The following PARD3 variants were observed in gnomAD, a reference collection of about 807,000 sequenced individuals.
The protein encoded by PARD3 is par-3 family cell polarity regulator.
A neutral mutation model predicts 155.4 loss-of-function variants in PARD3; 75 were observed. That is an observed-to-expected ratio of 0.48 (90% CI 0.40 to 0.58). The LOEUF (loss-of-function observed/expected upper bound fraction) is 0.58, where lower values mean the gene tolerates loss of function less well. Ranked by LOEUF, PARD3 falls within the 20% of genes least tolerant of loss-of-function variation. The pLI, the probability that PARD3 is intolerant of heterozygous loss-of-function variation, is 0.00. For missense variants in PARD3, 1,642 were observed against 1,721.7 expected (o/e 0.95, Z 0.82); for synonymous variants, 576 against 610.5 (o/e 0.94, Z 0.83).
chr10:34,584,244 C>T (rs1313263807), intron 2 of PARD3, among the ~76,000 whole-genome samples: 5 of 152,140 alleles, frequency 3.3e-5, no homozygotes. Flanking sequence ...GTAGACCTAT[C>T]CCTTACTGCT....
Position 34,680,603 on chromosome 10 carries a change from G to A in PARD3, c.222+15715C>T, listed in dbSNP as rs565507694. Among the ~76,000 whole-genome samples the A allele has an allele frequency of 2.7e-5, 4 of 150,820 alleles. No homozygotes were observed. The East Asian group carries it at 7.8e-4, about 29-fold the overall frequency. Reference sequence around the variant, plus strand: ...AGGGGAAGGGGAATGAGAAGCGGGAGGGGGAAAGATAAAGAAAGAAAACGT... The same window carrying A: ...AGGGGAAGGGGAATGAGAAGCGGGAAGGGGAAAGATAAAGAAAGAAAACGT... On this transcript the variant is annotated intron_variant, in intron 2 of 24. Transcript: ENST00000374788.
At chr10:34,366,885 T>A (rs1020783017) in intron 12 of PARD3, among the ~76,000 whole-genome samples, 4 of 152,214 alleles carry the variant, frequency 2.6e-5, no homozygotes, top group African/African-American at 9.6e-5. Context: ...CATTTCTGTA[T>A]GTTATTTGTG....
chr10:34,173,302 C>A (rs778317752), intron 22 of PARD3, among the ~76,000 whole-genome samples: 1 of 152,104 alleles, frequency 6.6e-6, no homozygotes, highest in Non-Finnish European at 1.5e-5. Context: ...CAAGGCCATG[C>A]AATAAGCAAA....
At chr10:34,770,400 G>A (rs946680460) in intron 1 of PARD3, among the ~76,000 whole-genome samples, 2 of 145,220 alleles carry the variant, frequency 1.4e-5, no homozygotes, top group African/African-American at 5.7e-5. Context: ...GCCTGTAAAC[G>A]CCTTGAGGGC....
At chr10:34,575,346 A>G (rs1212388663) in intron 2 of PARD3, among the ~76,000 whole-genome samples, 1 of 152,204 alleles carries the variant, frequency 6.6e-6, no homozygotes, top group Non-Finnish European at 1.5e-5. Context: ...AGATTTCAAC[A>G]CCAAATTTTA....
chr10:34,291,254 CCA>C (rs1227357854), intron 20 of PARD3, among the ~76,000 whole-genome samples: 1 of 152,046 alleles, frequency 6.6e-6, no homozygotes, highest in African/African-American at 2.4e-5. Flanking sequence ...AGATGTATGT[CCA>C]CATGTTTCTG....
chr10:34,585,437 A>T (rs2087919935), intron 2 of PARD3, among the ~76,000 whole-genome samples: 1 of 152,160 alleles, frequency 6.6e-6, no homozygotes, highest in African/African-American at 2.4e-5. Flanking sequence ...AATTAAACTA[A>T]CAATGTTAAT....
chr10:34,764,616 T>C (rs1837855211), intron 1 of PARD3, among the ~76,000 whole-genome samples: 1 of 152,120 alleles, frequency 6.6e-6, no homozygotes, highest in South Asian at 2.1e-4. Flanking sequence ...CTCATTATTC[T>C]ACTCTCTGTT....
chr10:34,317,880 T>C (rs1958107595), intron 19 of PARD3, among the ~76,000 whole-genome samples: 1 of 152,224 alleles, frequency 6.6e-6, no homozygotes, highest in Admixed American at 6.5e-5. Flanking sequence ...GCAGATTATT[T>C]TGGCTTATAT....
In PARD3 at chr10:34,177,751, C is replaced by T. The variant is rs187008220; in HGVS notation, c.3420-46168G>A. Among the ~76,000 whole-genome samples the T allele has an allele frequency of 1.1e-4, 17 of 152,290 alleles. No individual in the cohort carries two copies. In the East Asian group the frequency reaches 2.3e-3, roughly 21 times the overall value. On this transcript the variant is annotated intron_variant, in intron 22 of 24. Coordinates refer to ENST00000374788, the MANE Select transcript of PARD3 (RefSeq NM_001184785.2). ...ACGCCAGTCAGGAGAACATCACAGG[C>T]GCTTTAAAGACTGGTGCCTGCGAAC...
rs546818892 is a variant in PARD3, at chr10:34,637,449, C to T, written c.222+58869G>A. Among the ~76,000 whole-genome samples the T allele has an allele frequency of 3.9e-5, 6 of 152,330 alleles. 1 individual carries two copies. Among genetic ancestry groups the T allele is most frequent in the African/African-American group, 1.4e-4 (6 of 41,576 alleles). ...CATCCACAAGTGTTAGTTTTAATTACAAGTGATCCTGTGTATCAGGCCCTG... is the reference window on the plus strand; with the variant it reads ...CATCCACAAGTGTTAGTTTTAATTATAAGTGATCCTGTGTATCAGGCCCTG... On this transcript the variant is annotated intron_variant, in intron 2 of 24. Coordinates refer to ENST00000374788, the MANE Select transcript of PARD3 (RefSeq NM_001184785.2).
rs1028095890 is a variant in PARD3 at position 34,796,293 on chromosome 10, A to C, written c.120+18583T>G. Among the ~76,000 whole-genome samples the C allele has an allele frequency of 2.4e-4, 37 of 152,274 alleles. No individual in the cohort carries two copies. The East Asian group carries it at 4.2e-3, about 17-fold the overall frequency. ...AGGCCAGGTCATCATCTGCCAGGTAAATACATGCAAGTAACCCCAAGTGGC... is the reference window on the plus strand; with the variant it reads ...AGGCCAGGTCATCATCTGCCAGGTACATACATGCAAGTAACCCCAAGTGGC... On this transcript the variant is annotated intron_variant, in intron 1 of 24. Coordinates refer to ENST00000374788, the MANE Select transcript of PARD3 (RefSeq NM_001184785.2).
At chr10:34,394,959 C>T (rs965958079) in intron 7 of PARD3, among the ~76,000 whole-genome samples, 5 of 151,690 alleles carry the variant, frequency 3.3e-5, no homozygotes, top group African/African-American at 9.7e-5. Context: ...CAAGGTTCTT[C>T]TGCCAAAGGT....
chr10:34,225,281 A>AAATATCC (rs535644772), intron 22 of PARD3, among the ~76,000 whole-genome samples: 154 of 152,288 alleles, frequency 1.0e-3, no homozygotes, highest in Non-Finnish European at 1.6e-3. Flanking sequence ...CAGAGAGCTT[A>AAATATCC]AATATCCAAG....
chr10:34,117,073 G>A (rs1946715783), intron 24 of PARD3, among the ~76,000 whole-genome samples: 1 of 152,118 alleles, frequency 6.6e-6, no homozygotes, highest in South Asian at 2.1e-4. Context: ...CTGAGGACTG[G>A]GACCCAAGTG....
At chr10:34,348,812 A>T (rs1214052169) in intron 14 of PARD3, among the ~76,000 whole-genome samples, 1 of 152,270 alleles carries the variant, frequency 6.6e-6, no homozygotes, top group Non-Finnish European at 1.5e-5. Context: ...CCAAGATAGG[A>T]GGATTTCAAA....
intron 1 of PARD3, among the ~76,000 whole-genome samples, chr10:34,728,651 C>A (rs537857169): frequency 6.6e-6 from 1 of 152,282 alleles, no homozygotes; most frequent in East Asian, 1.9e-4. Flanking sequence ...TGGATGAAGT[C>A]ATCCCAAGCA....
intron 2 of PARD3, among the ~76,000 whole-genome samples, chr10:34,551,267 G>A (rs1433428347): frequency 6.6e-6 from 1 of 152,142 alleles, no homozygotes; most frequent in African/African-American, 2.4e-5. Context: ...AGGAAGCAGG[G>A]TGGGATGCAG....
chr10:34,748,954 T>G (rs756644917), intron 1 of PARD3, among the ~76,000 whole-genome samples: 3 of 152,214 alleles, frequency 2.0e-5, no homozygotes, highest in Non-Finnish European at 4.4e-5. Context: ...CCCTTCACAG[T>G]GGATGTTATC....
Sources: allele counts gnomAD v4.1 joint callset (sites outside exome capture counted in the v4.1 genomes callset), GRCh38; gene constraint gnomAD v4.1.1; transcripts MANE v1.5; gene names NCBI Gene and HGNC (gene_info 2026-07-23, HGNC 2026-07-21).